PITPNM2: variants seen among roughly 807,000 people sequenced by gnomAD.
PITPNM2 encodes phosphatidylinositol transfer protein membrane associated 2, also known as membrane-associated phosphatidylinositol transfer protein 2.
A neutral mutation model predicts 132.2 loss-of-function variants in PITPNM2; 35 were observed. The ratio of observed to expected loss-of-function variants is 0.26; its 90% CI spans 0.20 to 0.35. PITPNM2 has a LOEUF of 0.35. PITPNM2 is among the 10% of genes least tolerant of loss of function. PITPNM2 has a pLI of 1.00. For missense variants in PITPNM2, 1,332 were observed against 1,912.0 expected (o/e 0.70, Z 5.66); for synonymous variants, 738 against 799.2 (o/e 0.92, Z 1.29).
chr12:123,075,739 CT>C (rs2041765493), intron 2 of PITPNM2: 1 of 152,314 alleles, frequency 6.6e-6, no homozygotes, highest in Non-Finnish European at 1.5e-5. Flanking sequence ...TGAAGTTATA[CT>C]TTAGAGCAGC....
At chr12:123,109,624 G>A (rs1408292353) in intron 2 of PITPNM2, among the ~76,000 whole-genome samples, 1 of 152,220 alleles carries the variant, frequency 6.6e-6, no homozygotes, top group Non-Finnish European at 1.5e-5. Flanking sequence ...TCTGCTCTCT[G>A]CCAAAGCCAG....
At chr12:123,133,241 G>C (rs2043305355) in intron 1 of PITPNM2, among the ~76,000 whole-genome samples, 1 of 152,180 alleles carries the variant, frequency 6.6e-6, no homozygotes, top group Non-Finnish European at 1.5e-5. Context: ...AAATTTTAGA[G>C]GCAGGGAAGA....
chr12:123,092,880 T>A (rs1315651780), intron 2 of PITPNM2: 1 of 152,134 alleles, frequency 6.6e-6, no homozygotes, highest in East Asian at 1.9e-4. Context: ...GAAGCTACAG[T>A]TTATGCCGCT....
intron 2 of PITPNM2, among the ~76,000 whole-genome samples, chr12:123,057,548 G>A (rs1273650481): frequency 6.6e-6 from 1 of 152,208 alleles, no homozygotes; most frequent in Non-Finnish European, 1.5e-5. Context: ...GACCGCATCT[G>A]AAATCAGAGC....
Position 122,986,576 on chromosome 12 carries a change from C to G in PITPNM2, c.3598-12G>C. 1 of 1,597,178 alleles carries G rather than the reference C, an allele frequency of 6.3e-7. No individual in the cohort carries two copies. Among genetic ancestry groups the G allele is most frequent in the Non-Finnish European group, 8.6e-7 (1 of 1,168,968 alleles). On this transcript the variant is annotated splice_polypyrimidine_tract_variant and intron_variant, in intron 24 of 25. Transcript: ENST00000320201. The stretch of plus-strand genomic sequence containing the variant: ...ACGCGCAGGTGCAGCTGTGGGGAGA[C>G]TGGCATGGGCACAGGCACCATGGTC...
chr12:123,119,355 ATT>A (rs57829614), intron 1 of PITPNM2, among the ~76,000 whole-genome samples: 18 of 129,284 alleles, frequency 1.4e-4, no homozygotes, highest in African/African-American at 1.1e-4. Flanking sequence ...GAGGATGGTG[ATT>A]TTTTTTTTTT....
intron 1 of PITPNM2, among the ~76,000 whole-genome samples, chr12:123,136,880 G>A (rs562483149): frequency 3.5e-4 from 54 of 152,292 alleles, no homozygotes; most frequent in African/African-American, 1.3e-3. Context: ...CAGATAGAGC[G>A]AGACTCCGTC....
At chr12:123,138,631 T>A (rs982547783) in intron 1 of PITPNM2, among the ~76,000 whole-genome samples, 2 of 151,998 alleles carry the variant, frequency 1.3e-5, no homozygotes, top group African/African-American at 4.8e-5. Flanking sequence ...TCAGAACAGG[T>A]AAATCAATAG....
At chr12:123,060,331 A>G (rs7957096) in intron 2 of PITPNM2, among the ~76,000 whole-genome samples, 88,946 of 152,022 alleles carry the variant, frequency 0.59, 28,599 homozygotes, top group Non-Finnish European at 0.71. Flanking sequence ...CTCACCCGTG[A>G]GGACCCAGCC....
chr12:122,995,344 C>G (rs2038378175), intron 14 of PITPNM2, 45 bp downstream of exon 14: 1 of 1,541,898 alleles, frequency 6.5e-7, no homozygotes, highest in Non-Finnish European at 8.7e-7. Context: ...CTTGGAGCCT[C>G]TTCCCACACC....
At chr12:123,079,744 G>A (rs986693161) in intron 2 of PITPNM2, among the ~76,000 whole-genome samples, 29 of 152,216 alleles carry the variant, frequency 1.9e-4, no homozygotes, top group South Asian at 1.2e-3. Context: ...AGATTCTACC[G>A]CTTCTTCTCA....
chr12:123,046,290 C>T (rs767199411), intron 2 of PITPNM2, among the ~76,000 whole-genome samples: 27 of 152,188 alleles, frequency 1.8e-4, no homozygotes, highest in Non-Finnish European at 3.5e-4. Context: ...CTCTGGCAGG[C>T]ACACTTGGCA....
chr12:123,124,247 A>T (rs1358799962), intron 1 of PITPNM2, among the ~76,000 whole-genome samples: 1 of 151,838 alleles, frequency 6.6e-6, no homozygotes, highest in Non-Finnish European at 1.5e-5. Context: ...ACAGAGTGAG[A>T]CTCCGTCTCA....
chr12:123,151,294 C>T (rs1001267646), upstream of PITPNM2, among the ~76,000 whole-genome samples: 6 of 151,460 alleles, frequency 4.0e-5, no homozygotes, highest in African/African-American at 1.5e-4. Flanking sequence ...CGCTCCTCCC[C>T]GGCTCGCCCG....
intron 2 of PITPNM2, among the ~76,000 whole-genome samples, chr12:123,103,892 G>GTTATT (rs888845609): frequency 1.4e-5 from 2 of 142,588 alleles, no homozygotes; most frequent in African/African-American, 6.2e-5. Context: ...TATTTATTTT[G>GTTATT]TTATTTTATT....
intron 3 of PITPNM2, among the ~76,000 whole-genome samples, chr12:123,025,018 G>A (rs2039805915): frequency 3.3e-5 from 5 of 152,212 alleles, no homozygotes; most frequent in Admixed American, 3.3e-4. Context: ...GGCACTGTGA[G>A]AGAGACATGG....
intron 2 of PITPNM2, among the ~76,000 whole-genome samples, chr12:123,103,429 A>G (rs915265722): frequency 2.6e-5 from 4 of 152,238 alleles, no homozygotes; most frequent in Non-Finnish European, 5.9e-5. Flanking sequence ...TGACATCGTC[A>G]AGACTGCAGC....
intron 14 of PITPNM2, 27 bp from the exon 15 acceptor site, chr12:122,995,006 T>C: frequency 6.4e-7 from 1 of 1,564,334 alleles, no homozygotes; most frequent in Non-Finnish European, 8.7e-7. Context: ...GACTTAGCTG[T>C]CATGTGGGTG....
In PITPNM2 at chr12:123,000,291, C is replaced by T. The variant is rs1222524115; in HGVS notation, c.1224+487G>A. The stretch of plus-strand genomic sequence containing the variant: ...GAACTCCCACAGAGAACCCCCGAAG[C>T]GGATACAGGCGCTCTACCAAGACAG... On this transcript the variant is annotated intron_variant, in intron 10 of 25. Coordinates refer to ENST00000320201, the MANE Select transcript of PITPNM2 (RefSeq NM_020845.3). This position sits in a 1 kb window ranked among gnomAD's most constrained non-coding sequence, Gnocchi z 5.4. 4 of 637,170 alleles carry T rather than the reference C, an allele frequency of 6.3e-6. No individual in the cohort carries two copies. The highest frequency in any genetic ancestry group is 1.1e-5 in the Non-Finnish European group (4 of 354,128). The allele number at this position is 637,170 out of a possible 1,614,324, so 39.5% of individuals were successfully genotyped here.
Sources: allele counts gnomAD v4.1 joint callset (sites outside exome capture counted in the v4.1 genomes callset), GRCh38; gene constraint gnomAD v4.1.1; non-coding constraint Gnocchi (gnomAD v3.1); transcripts MANE v1.5; gene names NCBI Gene and HGNC (gene_info 2026-07-23, HGNC 2026-07-21).